The following PDE4DIP variants were observed in gnomAD, a reference collection of about 807,000 sequenced individuals.
PDE4DIP encodes phosphodiesterase 4D interacting protein.
In PDE4DIP, 59 loss-of-function variants were observed where a neutral mutation model predicts 221.4. That is an observed-to-expected ratio of 0.27 (90% CI 0.22 to 0.33). PDE4DIP has a LOEUF of 0.33. Ranked by LOEUF, PDE4DIP falls within the 10% of genes least tolerant of loss-of-function variation. The probability of loss-of-function intolerance (pLI) is 1.00; values close to 1 mark genes in which losing one functional copy is unlikely to be tolerated. For synonymous variants in PDE4DIP, 404 were observed against 815.9 expected, an observed-to-expected ratio of 0.50 and a Z score of 8.60; for missense variants, 1,036 against 2,154.2, an observed-to-expected ratio of 0.48 and a Z score of 10.28.
intron 9 of PDE4DIP, among the ~76,000 whole-genome samples, chr1:148,963,744 CCTT>C (rs2057508655): frequency 1.4e-5 from 2 of 143,838 alleles, no homozygotes; most frequent in African/African-American, 5.1e-5. Context: ...CTCTTTCTTT[CCTT>C]CTTTTTTTTT....
intron 9 of PDE4DIP, among the ~76,000 whole-genome samples, chr1:148,963,736 CTT>C (rs1334286756): frequency 4.1e-5 from 6 of 145,336 alleles, no homozygotes; most frequent in Non-Finnish European, 6.0e-5. Context: ...TTTCCTCTCT[CTT>C]TCTTTCCTTC....
intron 5 of PDE4DIP, chr1:148,951,848 A>G (rs2053376756): frequency 6.3e-6 from 1 of 158,484 alleles, no homozygotes; most frequent in Non-Finnish European, 1.4e-5. Flanking sequence ...TTTTCTGGAC[A>G]TTCCTGTTCA....
intron 3 of PDE4DIP, among the ~76,000 whole-genome samples, chr1:148,870,813 G>T (rs1162652556): frequency 6.7e-6 from 1 of 149,926 alleles, no homozygotes; most frequent in African/African-American, 2.4e-5. Context: ...GAAAACATTG[G>T]TTAGAAAAAA....
At chr1:148,995,572 A>G (rs587750625) in intron 22 of PDE4DIP, among the ~76,000 whole-genome samples, 8 of 151,628 alleles carry the variant, frequency 5.3e-5, no homozygotes, top group African/African-American at 1.9e-4. Flanking sequence ...GTTGAATTAT[A>G]TGAAGCAATA....
intron 2 of PDE4DIP, among the ~76,000 whole-genome samples, chr1:148,865,174 C>T (rs1199593365): frequency 2.2e-5 from 3 of 138,274 alleles, no homozygotes; most frequent in Admixed American, 7.0e-5. Context: ...CTGCAACCTC[C>T]GCCTCCCAGG....
Position 148,820,717 on chromosome 1 carries a change from G to T in PDE4DIP, c.233+11980G>T, listed in dbSNP as rs1359949091. Among the ~76,000 whole-genome samples the T allele has an allele frequency of 3.6e-4, 54 of 148,814 alleles. 2 individuals carry two copies. The highest frequency in any genetic ancestry group is 1.2e-3 in the African/African-American group (46 of 39,686). On this transcript the variant is annotated intron_variant, in intron 1 of 45. Transcript: ENST00000524974. ...GACAATAACCCTACTTTTTTTTTGG[G>T]GGGGGGGTGGCTAGAATTGTCTTCT...
intron 3 of PDE4DIP, among the ~76,000 whole-genome samples, chr1:148,881,571 ATT>A (rs3978552): frequency 0.051 from 5,861 of 115,858 alleles, 129 homozygotes; most frequent in African/African-American, 0.17. Context: ...GAAGAAAACA[ATT>A]TTTTTTTTTT....
intron 19 of PDE4DIP, 41 bp from the exon 23 acceptor site, chr1:148,979,696 T>C: frequency 6.4e-7 from 1 of 1,572,064 alleles, no homozygotes; most frequent in Non-Finnish European, 8.7e-7. Context: ...CATGTCTCAC[T>C]GTGCCATTTG....
rs1279233548 is a variant in PDE4DIP, at chr1:148,857,327, A to G, written c.234-5923A>G. 3.1e-5 allele frequency among the ~76,000 whole-genome samples: 2 copies of G among 65,112 alleles called. 1 individual carries two copies. The highest frequency in any genetic ancestry group is 1.2e-3 in the South Asian group (2 of 1,696). 42.7% of individuals were successfully genotyped at this position (65,112 alleles called of 152,430 possible). A position where few individuals can be genotyped will look rare whatever the true frequency, so the allele number is the denominator to read the frequency against. On this transcript the variant is annotated intron_variant, in intron 1 of 45. Coordinates refer to the PDE4DIP transcript ENST00000524974. ...TCTTTTCTAGTTTGTTTCTATGGGT[A>G]TTTTCACAATAGTGCAAATCTTAGC...
In PDE4DIP at chr1:148,969,103, G is replaced by A; in HGVS notation, c.1980+73G>A. 7 of 883,008 alleles carry A rather than the reference G, an allele frequency of 7.9e-6. No individual in the cohort carries two copies. The South Asian group carries it at 9.3e-5, about 12-fold the overall frequency. The allele number at this position is 883,008 out of a possible 1,614,324, so 54.7% of individuals were successfully genotyped here. On this transcript the variant is annotated intron_variant, in intron 14 of 43. Coordinates refer to ENST00000369354, the Ensembl canonical transcript of PDE4DIP. The stretch of plus-strand genomic sequence containing the variant: ...AGTCTGCAAATAGGAAGCATTTGCA[G>A]ACTATAGATGTGTGTATATTTATAT...
At chr1:149,020,639 T>C in intron 36 of PDE4DIP, 1 of 366,654 alleles carries the variant, frequency 2.7e-6, no homozygotes, top group African/African-American at 2.1e-5. Context: ...CAATTAGATA[T>C]AGGACATTAG....
At chr1:149,023,669 CAT>C (rs2073949626) in intron 37 of PDE4DIP, among the ~76,000 whole-genome samples, 1 of 119,426 alleles carries the variant, frequency 8.4e-6, no homozygotes, top group Non-Finnish European at 1.8e-5. Context: ...TATGTGTGCA[CAT>C]ATATATGTAC....
At chr1:148,997,111 A>G (rs1553565772) in intron 22 of PDE4DIP, among the ~76,000 whole-genome samples, 1 of 152,018 alleles carries the variant, frequency 6.6e-6, no homozygotes, top group African/African-American at 2.4e-5. Context: ...AAAGAAGCCA[A>G]TGTGACATTG....
chr1:149,001,628 C>T lies in PDE4DIP; in HGVS notation c.3175C>T (p.Leu1059=), dbSNP rs1266967074. 1.9e-6 allele frequency: 3 copies of T among 1,613,358 alleles called. No individual in the cohort carries two copies. In the Admixed American group the frequency reaches 5.0e-5, roughly 27 times the overall value. The change falls in exon 24 of 44, where the codon CTG becomes TTG. Residue 1059 remains leucine, a synonymous_variant. Transcript: ENST00000369354. ...GAGCCTTTGCCTTGAGAATGCGGAG[C>T]TGAAAGAGCAGATGGGAGAAGCAAT...
At chr1:149,009,418 CA>C in intron 29 of PDE4DIP, 149 bp from the exon 33 acceptor site, 1 of 615,886 alleles carries the variant, frequency 1.6e-6, no homozygotes, top group Non-Finnish European at 2.9e-6. Context: ...ACCCCACCTA[CA>C]CTCCATCCCT....
At chr1:148,862,329 G>A (rs1389026622) in intron 1 of PDE4DIP, among the ~76,000 whole-genome samples, 1 of 149,488 alleles carries the variant, frequency 6.7e-6, no homozygotes, top group Non-Finnish European at 1.5e-5. Flanking sequence ...AAAAGCACTT[G>A]TCAAGCATGG....
chr1:149,030,714 A>C, intron 43 of PDE4DIP: 5 of 984,920 alleles, frequency 5.1e-6, no homozygotes, highest in Non-Finnish European at 6.0e-6. Context: ...AACTGATTTC[A>C]CTGCACATTC....
chr1:148,961,083 G>C (rs1247873810), intron 6 of PDE4DIP, among the ~76,000 whole-genome samples: 1 of 152,178 alleles, frequency 6.6e-6, no homozygotes, highest in Non-Finnish European at 1.5e-5. Context: ...AAGGCAGGCG[G>C]ATCACGAGGT....
chr1:149,009,591 A>T (rs1553602815), exon 30 of PDE4DIP: 3 of 1,610,396 alleles, frequency 1.9e-6, no homozygotes, highest in Non-Finnish European at 2.5e-6. Context: ...CTGCAGGAGA[A>T]GGAGAAAGTG....
Sources: gnomAD v4.1 joint callset for allele counts (sites outside exome capture counted in the v4.1 genomes callset) on GRCh38, gnomAD v4.1.1 for gene constraint, MANE v1.5 for transcripts, NCBI Gene and HGNC (gene_info 2026-07-23, HGNC 2026-07-21) for gene names.